Variants in SGMS1 observed in about 807,000 individuals in gnomAD.
SGMS1 encodes the protein phosphatidylcholine:ceramide cholinephosphotransferase 1.
A neutral mutation model predicts 46.2 loss-of-function variants in SGMS1; 13 were observed. The observed-to-expected ratio is 0.28, with a 90% CI of 0.18 to 0.45. The LOEUF is 0.45. Ranked by LOEUF, SGMS1 falls within the 20% of genes least tolerant of loss-of-function variation. SGMS1 has a pLI of 1.00. For missense variants in SGMS1, 324 were observed against 519.9 expected (o/e 0.62, Z 3.66); for synonymous variants, 203 against 187.8 (o/e 1.08, Z -0.66).
intron 7 of SGMS1, among the ~76,000 whole-genome samples, chr10:50,337,329 T>C (rs11005241): frequency 0.15 from 23,556 of 152,212 alleles, 2,235 homozygotes; most frequent in Admixed American, 0.22. Flanking sequence ...TGAAGCTCCA[T>C]TAAAGACTAC....
At chr10:50,622,522 C>G (rs1190341443) in intron 1 of SGMS1, among the ~76,000 whole-genome samples, 1 of 152,180 alleles carries the variant, frequency 6.6e-6, no homozygotes, top group Non-Finnish European at 1.5e-5. Context: ...AATAACCTGT[C>G]CAAACAGCTT....
In SGMS1 at chr10:50,429,941, C is replaced by T. The variant is rs77710818; in HGVS notation, c.-232+3535G>A. Among the ~76,000 whole-genome samples, 1,202 of 152,256 alleles carry T rather than the reference C, an allele frequency of 7.9e-3. 9 individuals carry two copies. Among genetic ancestry groups the T allele is most frequent in the South Asian group, 0.011 (55 of 4,816 alleles). On this transcript the variant is annotated intron_variant, in intron 6 of 10. Transcript: ENST00000361781. The stretch of plus-strand genomic sequence containing the variant: ...ACATAGATTCCAAAATGACACCCAA[C>T]TAAGAATAAATTAAAGGCTTGGTAT...
At chr10:50,620,575 G>C (rs1838840322) in intron 1 of SGMS1, among the ~76,000 whole-genome samples, 1 of 152,184 alleles carries the variant, frequency 6.6e-6, no homozygotes, top group South Asian at 2.1e-4. Flanking sequence ...CTTCTGACAG[G>C]ATTGCTTTAA....
At chr10:50,484,566 T>C (rs1837503898) in intron 3 of SGMS1, among the ~76,000 whole-genome samples, 1 of 152,150 alleles carries the variant, frequency 6.6e-6, no homozygotes, top group Admixed American at 6.5e-5. Flanking sequence ...ATCATCTTGA[T>C]ACCAAAACCT....
upstream of SGMS1, chr10:50,624,707 T>G: frequency 8.1e-6 from 8 of 985,406 alleles, no homozygotes; most frequent in Non-Finnish European, 9.6e-6. Context: ...GCAAGTCGCC[T>G]GAAGGAAGGT....
chr10:50,622,088 C>CTGCT (rs917679252), intron 1 of SGMS1, among the ~76,000 whole-genome samples: 17 of 152,318 alleles, frequency 1.1e-4, no homozygotes, highest in South Asian at 2.1e-4. Context: ...GCACAGGCTG[C>CTGCT]TGCTTGCTTG....
chr10:50,591,787 A>T (rs573151430), intron 1 of SGMS1, among the ~76,000 whole-genome samples: 1 of 152,368 alleles, frequency 6.6e-6, no homozygotes, highest in African/African-American at 2.4e-5. Flanking sequence ...CAGCTCCGCA[A>T]ATAAAGATGG....
chr10:50,623,983 A>G, upstream of SGMS1: 2 of 985,144 alleles, frequency 2.0e-6, no homozygotes, highest in Non-Finnish European at 2.4e-6. Flanking sequence ...CCGCTGCCCG[A>G]GCCGGCCCGG....
chr10:50,510,728 T>C (rs142687432), intron 3 of SGMS1, among the ~76,000 whole-genome samples: 1 of 152,276 alleles, frequency 6.6e-6, no homozygotes, highest in East Asian at 1.9e-4. Flanking sequence ...GTAATAACTA[T>C]ACAATTATCA....
chr10:50,461,271 T>C (rs565763735), intron 4 of SGMS1, among the ~76,000 whole-genome samples: 13 of 152,280 alleles, frequency 8.5e-5, no homozygotes, highest in African/African-American at 2.9e-4. Context: ...TGTCATGATC[T>C]CTCTGGGGCC....
intron 2 of SGMS1, among the ~76,000 whole-genome samples, chr10:50,578,656 A>G (rs1367554752): frequency 6.6e-6 from 1 of 152,184 alleles, no homozygotes; most frequent in Non-Finnish European, 1.5e-5. Flanking sequence ...CACCGCAGGT[A>G]TGTGTTTGAA....
chr10:50,391,770 T>C (rs1236435465), intron 6 of SGMS1, among the ~76,000 whole-genome samples: 2 of 149,784 alleles, frequency 1.3e-5, no homozygotes, highest in East Asian at 2.0e-4. Context: ...CCAACCTAAA[T>C]GTCCATCAAT....
intron 6 of SGMS1, among the ~76,000 whole-genome samples, chr10:50,411,027 T>C (rs2133569392): frequency 6.6e-6 from 1 of 152,314 alleles, no homozygotes; most frequent in African/African-American, 2.4e-5. Flanking sequence ...GGTCTTTCTT[T>C]CCAAATTGAG....
intron 2 of SGMS1, among the ~76,000 whole-genome samples, chr10:50,550,186 T>A (rs181244363): frequency 1.3e-5 from 2 of 152,344 alleles, no homozygotes; most frequent in Admixed American, 1.3e-4. Context: ...TAAGACAATC[T>A]ACTTTTTTAA....
At chr10:50,417,258 G>GT (rs949276587) in intron 6 of SGMS1, among the ~76,000 whole-genome samples, 4 of 152,068 alleles carry the variant, frequency 2.6e-5, no homozygotes, top group African/African-American at 9.7e-5. Flanking sequence ...AGAAAAGCGG[G>GT]TTTTTTAAGT....
upstream of SGMS1, chr10:50,624,660 G>A: frequency 1.0e-6 from 1 of 985,448 alleles, no homozygotes; most frequent in South Asian, 4.7e-5. Flanking sequence ...GCTAGGCCGG[G>A]GTCGGAGCCC....
intron 2 of SGMS1, among the ~76,000 whole-genome samples, chr10:50,542,141 A>C (rs1588871171): frequency 2.0e-5 from 3 of 152,260 alleles, no homozygotes; most frequent in East Asian, 3.9e-4. Context: ...AGACCTTCTC[A>C]TGGGGGAAAA....
At chr10:50,597,200 A>C (rs1838602818) in intron 1 of SGMS1, among the ~76,000 whole-genome samples, 1 of 152,242 alleles carries the variant, frequency 6.6e-6, no homozygotes, top group African/African-American at 2.4e-5. Flanking sequence ...AAGATGTATG[A>C]ATGCCAAACA....
chr10:50,624,974 G>C, upstream of SGMS1: 1 of 1,039,598 alleles, frequency 9.6e-7, no homozygotes. Flanking sequence ...CCATCGGGCC[G>C]CGGGCGCTCG....
Sources: gnomAD v4.1 joint callset for allele counts (sites outside exome capture counted in the v4.1 genomes callset) on GRCh38, gnomAD v4.1.1 for gene constraint, MANE v1.5 for transcripts, NCBI Gene and HGNC (gene_info 2026-07-23, HGNC 2026-07-21) for gene names.